Variants in AHRR observed in about 807,000 individuals in gnomAD.
AHRR encodes ahR repressor.
Under a neutral mutation model 44.0 loss-of-function variants are expected in AHRR, and 28 were observed. The ratio of observed to expected loss-of-function variants is 0.64; its 90% CI spans 0.47 to 0.87. The LOEUF (loss-of-function observed/expected upper bound fraction) is 0.87. AHRR is among the 40% of genes least tolerant of loss of function. The pLI is 0.00. For synonymous variants in AHRR, 434 were observed against 407.0 expected (o/e 1.07, Z -0.80); for missense variants, 990 against 953.9 (o/e 1.04, Z -0.50).
At chr5:332,929 C>CTT (rs57937804) in intron 1 of AHRR, among the ~76,000 whole-genome samples, 21 of 132,076 alleles carry the variant, frequency 1.6e-4, no homozygotes, top group Admixed American at 1.5e-4. Flanking sequence ...TGACCTTTGT[C>CTT]TTTTTTTTTT....
chr5:350,495 T>C (rs1742822502), intron 2 of AHRR, among the ~76,000 whole-genome samples: 1 of 152,218 alleles, frequency 6.6e-6, no homozygotes, highest in African/African-American at 2.4e-5. Flanking sequence ...TCTCGTATCC[T>C]GTCCGTGGCC....
chr5:434,801 G>A lies in AHRR; in HGVS notation c.2061G>A (p.Pro687=), dbSNP rs907128386. ...AAAGTGCCTTGGCCACGCTGGTCCCGCCCCAAGCTTCGGGGTGCACATTCC... is the reference window on the plus strand; with the variant it reads ...AAAGTGCCTTGGCCACGCTGGTCCCACCCCAAGCTTCGGGGTGCACATTCC... ...LPKSALATLV[P]PQASGCTFLP The change falls in exon 11 of 11, where the codon CCG becomes CCA. Residue 687 remains proline, a synonymous_variant. Coordinates refer to ENST00000684583, the MANE Select transcript of AHRR (RefSeq NM_001377236.1). 1.7e-5 allele frequency: 26 copies of A among 1,553,322 alleles called. No individual in the cohort carries two copies. The highest frequency in any genetic ancestry group is 1.2e-4 in the Admixed American group (6 of 51,616).
intron 1 of AHRR, among the ~76,000 whole-genome samples, chr5:331,132 C>T (rs1741898194): frequency 6.6e-6 from 1 of 152,180 alleles, no homozygotes; most frequent in Non-Finnish European, 1.5e-5. Context: ...GCCTCGGCCT[C>T]CCAAAGTGCT....
At chr5:396,597 C>A (rs1354021377) in intron 4 of AHRR, among the ~76,000 whole-genome samples, 1 of 152,294 alleles carries the variant, frequency 6.6e-6, no homozygotes, top group South Asian at 2.1e-4. Context: ...CACGTTTTAC[C>A]GTCTGTTGTA....
At chr5:375,825 G>A (rs948194508) in intron 3 of AHRR, among the ~76,000 whole-genome samples, 8 of 152,196 alleles carry the variant, frequency 5.3e-5, no homozygotes, top group Admixed American at 5.2e-4. Flanking sequence ...TGGGCAGTGA[G>A]CACCTGTGCT....
At chr5:392,782 C>T (rs2672775) in intron 4 of AHRR, among the ~76,000 whole-genome samples, 1,898 of 152,240 alleles carry the variant, frequency 0.012, 45 homozygotes, top group African/African-American at 0.045. Context: ...TTGCCCATTA[C>T]GTCATTTCAT....
chr5:392,974 G>A (rs1353073827), intron 4 of AHRR, among the ~76,000 whole-genome samples: 1 of 151,928 alleles, frequency 6.6e-6, no homozygotes, highest in Admixed American at 6.6e-5. Flanking sequence ...TTTCACTGGG[G>A]CCCACCTACT....
chr5:341,271 T>G (rs56086239), intron 1 of AHRR, among the ~76,000 whole-genome samples: 13,433 of 152,114 alleles, frequency 0.088, 1,899 homozygotes, highest in African/African-American at 0.3. Context: ...TGCCTCGCCC[T>G]CCCAAAGTGC....
At chr5:352,802 T>C (rs1179536719) in intron 2 of AHRR, among the ~76,000 whole-genome samples, 29 of 142,278 alleles carry the variant, frequency 2.0e-4, no homozygotes, top group Non-Finnish European at 3.7e-4. Context: ...CCGTAGGGGA[T>C]GGTCACTCTG....
intron 5 of AHRR, among the ~76,000 whole-genome samples, chr5:414,137 C>CTCG (rs1735598994): frequency 6.6e-6 from 1 of 152,064 alleles, no homozygotes; most frequent in African/African-American, 2.4e-5. Context: ...GTGGCGTGCA[C>CTCG]CCGTAGTCCC....
chr5:343,495 T>TACCTTCTC (rs1410751901), intron 1 of AHRR: 64 of 238,962 alleles, frequency 2.7e-4, no homozygotes, highest in Non-Finnish European at 4.0e-4. Flanking sequence ...GGATCCCGCG[T>TACCTTCTC]GACGAGTGTT....
intron 3 of AHRR, among the ~76,000 whole-genome samples, chr5:369,130 C>T (rs892121318): frequency 1.2e-4 from 18 of 152,230 alleles, no homozygotes; most frequent in Non-Finnish European, 1.5e-5. Context: ...GCCCATCCAG[C>T]ACCCACTTGC....
rs1201101764 is a variant in AHRR at position 370,182 on chromosome 5, C to G, written c.245-6428C>G. Among the ~76,000 whole-genome samples the G allele has an allele frequency of 2.7e-5, 2 of 74,652 alleles. No individual in the cohort carries two copies. Among genetic ancestry groups the G allele is most frequent in the African/African-American group, 1.0e-4 (2 of 19,358 alleles). 49.0% of individuals were successfully genotyped at this position (74,652 alleles called of 152,430 possible). On this transcript the variant is annotated intron_variant, in intron 3 of 10. Transcript: ENST00000684583. This position sits in a 1 kb window ranked among gnomAD's most constrained non-coding sequence, Gnocchi z 4.5. Reference sequence around the variant, plus strand: ...GCCCTCGCTGGAAGCCCCGTCCTCCCGGGCCCTCGCTGGTGCCCCGTCCTC... The same window carrying G: ...GCCCTCGCTGGAAGCCCCGTCCTCCGGGGCCCTCGCTGGTGCCCCGTCCTC...
chr5:383,589 G>T lies in AHRR; in HGVS notation c.351+6873G>T, dbSNP rs528850487. On this transcript the variant is annotated intron_variant, in intron 4 of 10. Transcript: ENST00000684583. This position sits in a 1 kb window ranked among gnomAD's most constrained non-coding sequence, Gnocchi z 4.0. ...TTTTTTTTTTTTTAATACAGACAGG[G>T]TCTTGCTCTGTCACCCAGGCTGAAG... Among the ~76,000 whole-genome samples the T allele has an allele frequency of 1.6e-4, 24 of 150,210 alleles. No individual in the cohort carries two copies. Among genetic ancestry groups the T allele is most frequent in the Non-Finnish European group, 3.1e-4 (21 of 67,752 alleles).
Position 326,991 on chromosome 5 carries a change from G to A in AHRR, c.-11+5172G>A, listed in dbSNP as rs1024977280. Among the ~76,000 whole-genome samples, 22 of 152,116 alleles carry A rather than the reference G, an allele frequency of 1.4e-4. No individual in the cohort carries two copies. Among genetic ancestry groups the A allele is most frequent in the African/African-American group, 4.6e-4 (19 of 41,416 alleles). On this transcript the variant is annotated intron_variant, in intron 1 of 10. Transcript: ENST00000684583. This position sits in a 1 kb window ranked among gnomAD's most constrained non-coding sequence, Gnocchi z 4.1. ...GGAGAATCTCTTGAACCCAGGAGGT[G>A]GAGGTTGCAGTGAGCTGAGATTGAG...
At chr5:340,684 ATATATTTTTTTTTT>A (rs1560881575) in intron 1 of AHRR, among the ~76,000 whole-genome samples, 1 of 26,152 alleles carries the variant, frequency 3.8e-5, no homozygotes, top group African/African-American at 2.7e-4. Flanking sequence ...ATATATATAT[ATATATTTTTTTTTT>A]TTTTTTTTTT....
intron 3 of AHRR, chr5:367,854 G>A (rs76301536): frequency 0.012 from 8,260 of 702,570 alleles, 294 homozygotes; most frequent in East Asian, 0.075. Context: ...ATGACCACAC[G>A]GGCGAACGAA....
chr5:389,210 A>C (rs905357152), intron 4 of AHRR, among the ~76,000 whole-genome samples: 2 of 47,420 alleles, frequency 4.2e-5, no homozygotes, highest in South Asian at 7.3e-4. Context: ...GGGGTGAGGG[A>C]GGGGGGTGAG....
At chr5:389,456 C>G (rs113700280) in intron 4 of AHRR, among the ~76,000 whole-genome samples, 3 of 152,210 alleles carry the variant, frequency 2.0e-5, no homozygotes, top group African/African-American at 4.8e-5. Context: ...GAGGGAGCCA[C>G]GTGCTGCGTA....
Sources: allele counts gnomAD v4.1 joint callset (sites outside exome capture counted in the v4.1 genomes callset), GRCh38; gene constraint gnomAD v4.1.1; non-coding constraint Gnocchi (gnomAD v3.1); transcripts MANE v1.5; gene names NCBI Gene and HGNC (gene_info 2026-07-23, HGNC 2026-07-21).